Variants in CSPP1 observed in about 807,000 individuals in gnomAD.
CSPP1 encodes centrosome and spindle pole-associated protein 1.
In CSPP1, 126 loss-of-function variants were observed where a neutral mutation model predicts 164.4. The observed-to-expected ratio is 0.77, with a 90% CI of 0.66 to 0.89. The LOEUF (loss-of-function observed/expected upper bound fraction) is 0.89. Among genes scored for constraint, CSPP1 ranks in the 40% least tolerant of loss-of-function variants. The pLI is 0.00. For missense variants in CSPP1, 1,395 were observed against 1,449.8 expected, an observed-to-expected ratio of 0.96 and a Z score of 0.61; for synonymous variants, 472 against 476.7, an observed-to-expected ratio of 0.99 and a Z score of 0.13.
At chr8:67,110,441 T>C (rs1354287781) in intron 9 of CSPP1, among the ~76,000 whole-genome samples, 3 of 152,012 alleles carry the variant, frequency 2.0e-5, no homozygotes, top group African/African-American at 7.3e-5. Flanking sequence ...GAGCTTGAAT[T>C]TTGCTCCTTT....
chr8:67,065,906 T>G (rs1805452141), intron 1 of CSPP1, among the ~76,000 whole-genome samples: 2 of 152,188 alleles, frequency 1.3e-5, no homozygotes, highest in African/African-American at 2.4e-5. Context: ...ACAGGCTACT[T>G]TCGGTACAGT....
intron 1 of CSPP1, among the ~76,000 whole-genome samples, chr8:67,073,395 T>C (rs1342172514): frequency 3.3e-5 from 5 of 152,164 alleles, no homozygotes; most frequent in Non-Finnish European, 7.4e-5. Flanking sequence ...TTGAAAAGGA[T>C]GTTCTGTTAC....
chr8:67,089,826 A>T (rs1006164019), intron 4 of CSPP1, among the ~76,000 whole-genome samples: 1 of 151,838 alleles, frequency 6.6e-6, no homozygotes, highest in African/African-American at 2.4e-5. Flanking sequence ...AGGGTAATAA[A>T]AAAAAGTTTT....
chr8:67,079,172 T>G (rs1223878193), intron 3 of CSPP1, among the ~76,000 whole-genome samples: 1 of 152,166 alleles, frequency 6.6e-6, no homozygotes, highest in Non-Finnish European at 1.5e-5. Context: ...TCACAGGGCT[T>G]TATTTACTGT....
In CSPP1 at chr8:67,179,897, C is replaced by T. The variant is rs2129570659; in HGVS notation, c.3191C>T (p.Ser1064Leu). Residue 1064 changes from serine to leucine, a missense_variant, in exon 28 of 31, where the codon TCA becomes TTA. Coordinates refer to ENST00000678616, the MANE Select transcript of CSPP1 (RefSeq NM_001382391.1). The stretch of plus-strand genomic sequence containing the variant: ...GACACTAGTGATTTCTTGAAAAACT[C>T]ATTATTGGAATCTGATAGTGCTTTT... Reference protein sequence around the residue: ...RDDTSDFLKNSLLESDSAFIG... With the variant: ...RDDTSDFLKNLLLESDSAFIG... The T allele has an allele frequency of 6.3e-7, 1 of 1,588,562 alleles. No individual in the cohort carries two copies. Among genetic ancestry groups the T allele is most frequent in the South Asian group, 1.1e-5 (1 of 90,378 alleles).
intron 18 of CSPP1, among the ~76,000 whole-genome samples, chr8:67,151,250 C>T (rs1825635387): frequency 1.3e-5 from 2 of 152,154 alleles, no homozygotes; most frequent in African/African-American, 4.8e-5. Context: ...ATTTTTAGAG[C>T]ACTAAAATTG....
chr8:67,160,611 T>C (rs1458644040), intron 21 of CSPP1, among the ~76,000 whole-genome samples: 1 of 152,030 alleles, frequency 6.6e-6, no homozygotes, highest in Non-Finnish European at 1.5e-5. Context: ...CCATAAAGTT[T>C]TAAATCAGCT....
At chr8:67,188,285 C>G (rs1359150747) in intron 28 of CSPP1, among the ~76,000 whole-genome samples, 1 of 152,198 alleles carries the variant, frequency 6.6e-6, no homozygotes, top group African/African-American at 2.4e-5. Context: ...AGAGACAGGA[C>G]TAGCTGGATT....
chr8:67,154,279 G>T (rs1324385223), intron 19 of CSPP1, 143 bp downstream of exon 19: 2 of 529,528 alleles, frequency 3.8e-6, no homozygotes, highest in Non-Finnish European at 6.6e-6. Context: ...TCAGATATCA[G>T]TAGTACAAAA....
intron 28 of CSPP1, 100 bp downstream of exon 28, chr8:67,180,026 A>T: frequency 2.0e-6 from 1 of 493,196 alleles, no homozygotes; most frequent in Non-Finnish European, 3.5e-6. Flanking sequence ...AAGGTAGTAA[A>T]AAAAAAAAAA....
intron 30 of CSPP1, among the ~76,000 whole-genome samples, chr8:67,194,453 T>C (rs1190488261): frequency 1.3e-5 from 2 of 152,210 alleles, no homozygotes; most frequent in African/African-American, 2.4e-5. Flanking sequence ...ACATGGTTAA[T>C]TGATGGGACA....
At position 67,149,949 on chromosome 8, in the gene CSPP1, T is replaced by C. The variant is rs1391779070; in HGVS notation, c.2128+14T>C. 21 of 66,778 alleles carry C rather than the reference T, an allele frequency of 3.1e-4. No individual in the cohort carries two copies. Among genetic ancestry groups the C allele is most frequent in the African/African-American group, 1.5e-3 (2 of 1,336 alleles). 4.1% of individuals were successfully genotyped at this position (66,778 alleles called of 1,614,324 possible). A position where few individuals can be genotyped will look rare whatever the true frequency, so the allele number is the denominator to read the frequency against. ...ATAAAAGCTCAGGTTTTTAATCACT[T>C]TTTTTTTTTTTTTTTTTTTTTTACA... On this transcript the variant is annotated intron_variant, in intron 18 of 30. Coordinates refer to ENST00000678616, the MANE Select transcript of CSPP1 (RefSeq NM_001382391.1).
chr8:67,176,623 G>T (rs1831711584), intron 26 of CSPP1, among the ~76,000 whole-genome samples: 2 of 152,116 alleles, frequency 1.3e-5, no homozygotes, highest in Admixed American at 6.5e-5. Context: ...TCAAAATGAA[G>T]ATCTGATCTT....
chr8:67,138,558 G>T (rs564591683), intron 17 of CSPP1, among the ~76,000 whole-genome samples: 1 of 152,240 alleles, frequency 6.6e-6, no homozygotes, highest in South Asian at 2.1e-4. Context: ...AAGGGCTGTT[G>T]TATATATTAG....
intron 29 of CSPP1, among the ~76,000 whole-genome samples, chr8:67,192,062 A>AT (rs1836417033): frequency 7.4e-6 from 1 of 134,896 alleles, no homozygotes; most frequent in African/African-American, 2.8e-5. Flanking sequence ...TCCTTTGCTG[A>AT]TTTGTTTTTT....
rs1404951403 is a variant in CSPP1 at position 67,069,939 on chromosome 8, C to T, written c.-10-4304C>T. Among the ~76,000 whole-genome samples the T allele has an allele frequency of 4.6e-5, 7 of 151,824 alleles. No individual in the cohort carries two copies. The East Asian group carries it at 1.2e-3, about 25-fold the overall frequency. On this transcript the variant is annotated intron_variant, in intron 1 of 30. Transcript: ENST00000678616. ...ACTCCCAAAGTGCTGGGATTACAGGCGTGAGCCACCGCCCCCAACCTAGAT... is the reference window on the plus strand; with the variant it reads ...ACTCCCAAAGTGCTGGGATTACAGGTGTGAGCCACCGCCCCCAACCTAGAT...
At chr8:67,195,244 C>T (rs1387279456) in intron 30 of CSPP1, 138 bp from the exon 31 acceptor site, 5 of 716,066 alleles carry the variant, frequency 7.0e-6, no homozygotes, top group African/African-American at 3.5e-5. Context: ...CTAACCAAAA[C>T]AAACAAACAG....
Position 67,172,410 on chromosome 8 carries a change from C to T in CSPP1, c.2829-6C>T. 6.2e-7 allele frequency: 1 copy of T among 1,606,430 alleles called. No individual in the cohort carries two copies. Among genetic ancestry groups the T allele is most frequent in the Non-Finnish European group, 8.5e-7 (1 of 1,174,534 alleles). ...GCACATATTATGATTTGTCATTTATCTATAGGAAAAAGGAAAGGAATCCCA... is the reference window on the plus strand; with the variant it reads ...GCACATATTATGATTTGTCATTTATTTATAGGAAAAAGGAAAGGAATCCCA... On this transcript the variant is annotated splice_polypyrimidine_tract_variant and splice_region_variant and intron_variant, in intron 24 of 30. Transcript: ENST00000678616.
At chr8:67,165,140 T>G (rs1447609397) in intron 24 of CSPP1, among the ~76,000 whole-genome samples, 1 of 152,030 alleles carries the variant, frequency 6.6e-6, no homozygotes, top group Non-Finnish European at 1.5e-5. Flanking sequence ...AAAAATTAAC[T>G]GGGTGTGGTG....
Sources: gnomAD v4.1 joint callset for allele counts (sites outside exome capture counted in the v4.1 genomes callset) on GRCh38, gnomAD v4.1.1 for gene constraint, MANE v1.5 for transcripts, NCBI Gene and HGNC (gene_info 2026-07-23, HGNC 2026-07-21) for gene names.